The following TBC1D8 variants were observed in gnomAD, a reference collection of about 807,000 sequenced individuals.
The protein encoded by TBC1D8 is BUB2-like protein 1.
In TBC1D8, 65 loss-of-function variants were observed where a neutral mutation model predicts 118.8. The ratio of observed to expected loss-of-function variants is 0.55; its 90% CI spans 0.45 to 0.67. TBC1D8 has a LOEUF of 0.67. Ranked by LOEUF, TBC1D8 falls within the 30% of genes least tolerant of loss-of-function variation. TBC1D8 has a pLI of 0.00. For missense variants in TBC1D8, 1,376 were observed against 1,471.2 expected, an observed-to-expected ratio of 0.94 and a Z score of 1.06; for synonymous variants, 566 against 595.8, an observed-to-expected ratio of 0.95 and a Z score of 0.73.
At chr2:101,073,122 C>G (rs987792185) in intron 2 of TBC1D8, among the ~76,000 whole-genome samples, 2 of 137,744 alleles carry the variant, frequency 1.5e-5, no homozygotes, top group African/African-American at 2.7e-5. Context: ...CTGGCTTCAA[C>G]TTGAAGTCAC....
rs147652611 is a variant in TBC1D8, at chr2:101,120,408, C to T, written c.128-30044G>A. On this transcript the variant is annotated intron_variant, in intron 1 of 19. Transcript: ENST00000409318. ...TTTTGAAATCCCAATGTTAGAGATGCTAGTGGTCTGTGGTCCGGCCTGGGC... is the reference window on the plus strand; with the variant it reads ...TTTTGAAATCCCAATGTTAGAGATGTTAGTGGTCTGTGGTCCGGCCTGGGC... Among the ~76,000 whole-genome samples the T allele has an allele frequency of 1.6e-4, 24 of 152,312 alleles. No individual in the cohort carries two copies. In the East Asian group the frequency reaches 3.5e-3, roughly 22 times the overall value.
chr2:101,111,319 G>A (rs1384560804), intron 1 of TBC1D8, among the ~76,000 whole-genome samples: 2 of 152,128 alleles, frequency 1.3e-5, no homozygotes, highest in South Asian at 2.1e-4. Flanking sequence ...AAAGCTGCAG[G>A]GCGACCATAT....
chr2:101,040,151 G>T, intron 6 of TBC1D8, 27 bp downstream of exon 6: 1 of 1,604,828 alleles, frequency 6.2e-7, no homozygotes, highest in South Asian at 1.1e-5. Context: ...AGGCTGCTTC[G>T]GGAAGCAGAC....
intron 5 of TBC1D8, among the ~76,000 whole-genome samples, chr2:101,048,026 G>A (rs1004814193): frequency 6.6e-6 from 1 of 152,194 alleles, no homozygotes; most frequent in Non-Finnish European, 1.5e-5. Flanking sequence ...TCCCAGCGCT[G>A]TGGGGCTGGC....
rs534207490 is a variant in TBC1D8, at chr2:101,074,214, A to T, written c.284-14675T>A. Among the ~76,000 whole-genome samples the T allele has an allele frequency of 9.2e-5, 14 of 152,350 alleles. No individual in the cohort carries two copies. The South Asian group carries it at 1.0e-3, about 11-fold the overall frequency. On this transcript the variant is annotated intron_variant, in intron 2 of 19. Coordinates refer to ENST00000409318, the MANE Select transcript of TBC1D8 (RefSeq NM_001330348.2). Reference sequence around the variant, plus strand: ...TATTTTTGTGTCTCAGGAAATAGGGATGCCCAACAAGAAGGTGGCCCAGTG... The same window carrying T: ...TATTTTTGTGTCTCAGGAAATAGGGTTGCCCAACAAGAAGGTGGCCCAGTG...
chr2:101,066,417 A>C (rs983852779), intron 2 of TBC1D8, among the ~76,000 whole-genome samples: 1 of 152,224 alleles, frequency 6.6e-6, no homozygotes, highest in Non-Finnish European at 1.5e-5. Flanking sequence ...GGAATGAGAA[A>C]TATGGTATTT....
At chr2:101,066,458 T>C (rs1408838101) in intron 2 of TBC1D8, among the ~76,000 whole-genome samples, 3 of 151,672 alleles carry the variant, frequency 2.0e-5, no homozygotes, top group Non-Finnish European at 4.4e-5. Context: ...GGGGGAAAAA[T>C]CAATTCTTAA....
At chr2:101,117,629 A>G (rs1273068027) in intron 1 of TBC1D8, among the ~76,000 whole-genome samples, 1 of 141,904 alleles carries the variant, frequency 7.0e-6, no homozygotes, top group Non-Finnish European at 1.5e-5. Flanking sequence ...GCTGGAGTGC[A>G]GTGGCGCCAT....
intron 1 of TBC1D8, among the ~76,000 whole-genome samples, chr2:101,139,220 T>C (rs1678992621): frequency 6.6e-6 from 1 of 151,654 alleles, no homozygotes; most frequent in Admixed American, 6.6e-5. Flanking sequence ...CCAGCCTGTC[T>C]CAAGACCCAG....
intron 2 of TBC1D8, among the ~76,000 whole-genome samples, chr2:101,067,935 C>T (rs956611246): frequency 3.3e-5 from 5 of 152,170 alleles, no homozygotes; most frequent in African/African-American, 1.2e-4. Context: ...ATGTGTGAAG[C>T]GTTCAACAAT....
In TBC1D8 at chr2:101,027,385, T is replaced by C. The variant is rs1391525220; in HGVS notation, c.2518A>G (p.Lys840Glu). The C allele has an allele frequency of 3.7e-6, 6 of 1,612,772 alleles. No homozygotes were observed. The highest frequency in any genetic ancestry group is 5.1e-6 in the Non-Finnish European group (6 of 1,179,004). Reference protein sequence around the residue: ...EDLEELYDLFKREHMMSCYWE... With the variant: ...EDLEELYDLFEREHMMSCYWE... Reference sequence around the variant, plus strand: ...CTCATCTTCCCAGAGCTGCGTACCTTGAATAAGTCGTAGAGCTCCTCTAGG... The same window carrying C: ...CTCATCTTCCCAGAGCTGCGTACCTCGAATAAGTCGTAGAGCTCCTCTAGG... Residue 840 changes from lysine to glutamate, a missense_variant and splice_region_variant, in exon 15 of 20, where the codon AAG (lysine) becomes GAG (glutamate). Coordinates refer to ENST00000409318, the MANE Select transcript of TBC1D8 (RefSeq NM_001330348.2).
intron 1 of TBC1D8, among the ~76,000 whole-genome samples, chr2:101,115,180 T>C (rs1677766464): frequency 6.6e-6 from 1 of 152,160 alleles, no homozygotes; most frequent in Non-Finnish European, 1.5e-5. Context: ...GGTCACCCAA[T>C]CTATCTTTAG....
chr2:101,069,606 A>C (rs1409710629), intron 2 of TBC1D8, among the ~76,000 whole-genome samples: 2 of 152,136 alleles, frequency 1.3e-5, no homozygotes, highest in African/African-American at 4.8e-5. Context: ...ACAAAACAAA[A>C]CAAACCAATA....
At chr2:101,072,012 C>A (rs1674484616) in intron 2 of TBC1D8, among the ~76,000 whole-genome samples, 1 of 152,168 alleles carries the variant, frequency 6.6e-6, no homozygotes, top group Non-Finnish European at 1.5e-5. Context: ...CCATGGGCTG[C>A]AGAATGGATG....
chr2:101,101,193 T>C (rs1676803015), intron 1 of TBC1D8, among the ~76,000 whole-genome samples: 1 of 152,098 alleles, frequency 6.6e-6, no homozygotes, highest in Non-Finnish European at 1.5e-5. Context: ...CTTAAACATA[T>C]TTACAAGAAA....
chr2:101,066,194 G>A (rs1683003004), intron 2 of TBC1D8, among the ~76,000 whole-genome samples: 1 of 152,240 alleles, frequency 6.6e-6, no homozygotes, highest in South Asian at 2.1e-4. Context: ...TGAGGCAAGA[G>A]AATTGCTTGA....
At chr2:101,131,675 C>T (rs1363602010) in intron 1 of TBC1D8, among the ~76,000 whole-genome samples, 8 of 140,382 alleles carry the variant, frequency 5.7e-5, no homozygotes, top group African/African-American at 1.9e-4. Context: ...ATTAGCTGGG[C>T]GTGGTGGTGG....
At chr2:101,117,862 A>T (rs1209912441) in intron 1 of TBC1D8, among the ~76,000 whole-genome samples, 5 of 142,506 alleles carry the variant, frequency 3.5e-5, no homozygotes, top group Non-Finnish European at 7.6e-5. Flanking sequence ...GGCGTGAGCC[A>T]CCGCACCCGG....
intron 6 of TBC1D8, 53 bp from the exon 7 acceptor site, chr2:101,038,708 T>G: frequency 6.3e-7 from 1 of 1,587,528 alleles, no homozygotes; most frequent in East Asian, 2.2e-5. Context: ...GGTAGGCATG[T>G]TATTACATAT....
Sources: gnomAD v4.1 joint callset for allele counts (sites outside exome capture counted in the v4.1 genomes callset) on GRCh38, gnomAD v4.1.1 for gene constraint, MANE v1.5 for transcripts, NCBI Gene and HGNC (gene_info 2026-07-23, HGNC 2026-07-21) for gene names.